The following PLD5 variants were observed in gnomAD, a reference collection of about 807,000 sequenced individuals.
PLD5 encodes phospholipase D family member 5.
In PLD5, 36 loss-of-function variants were observed where a neutral mutation model predicts 61.1. The observed-to-expected ratio is 0.59, with a 90% CI of 0.45 to 0.78. PLD5 has a LOEUF of 0.78. Among genes scored for constraint, PLD5 ranks in the 30% least tolerant of loss-of-function variants. PLD5 has a pLI of 0.00. For synonymous variants in PLD5, 243 were observed against 242.8 expected, an observed-to-expected ratio of 1.00 and a Z score of -0.01; for missense variants, 515 against 644.4, an observed-to-expected ratio of 0.80 and a Z score of 2.17.
rs76470947 is a variant in PLD5 at position 242,240,874 on chromosome 1, T to C, written c.608-20759A>G. Among the ~76,000 whole-genome samples, 1,466 of 152,238 alleles carry C rather than the reference T, an allele frequency of 9.6e-3. 32 individuals are homozygous for C. The highest frequency in any genetic ancestry group is 0.096 in the East Asian group (495 of 5,174). ...GACTCTTTCTTCCTGGAGCACCTCA[T>C]GGACTCTATAAAGTTCTAGCTCAGC... On this transcript the variant is annotated intron_variant, in intron 4 of 9. Transcript: ENST00000536534.
chr1:242,417,026 A>G lies in PLD5; in HGVS notation c.190-68784T>C, dbSNP rs148936004. On this transcript the variant is annotated intron_variant, in intron 1 of 9. Transcript: ENST00000536534. ...TAGTTAAAAAAAATCTATAAAATATATAATATTTCAGATGGCTGTAAGTGT... is the reference window on the plus strand; with the variant it reads ...TAGTTAAAAAAAATCTATAAAATATGTAATATTTCAGATGGCTGTAAGTGT... Among the ~76,000 whole-genome samples the G allele has an allele frequency of 2.2e-4, 33 of 152,348 alleles. 1 individual carries two copies. Among genetic ancestry groups the G allele is most frequent in the African/African-American group, 7.5e-4 (31 of 41,574 alleles).
chr1:242,510,955 A>G lies in PLD5; in HGVS notation c.189+13133T>C, dbSNP rs1304327665. Among the ~76,000 whole-genome samples the G allele has an allele frequency of 3.9e-5, 6 of 152,244 alleles. No homozygotes were observed. The East Asian group carries it at 1.2e-3, about 29-fold the overall frequency. ...GTATTTCTGTTATTGGAGCCTTTTA[A>G]GAGTGGACCTTGTGGGGGCTGAAAA... On this transcript the variant is annotated intron_variant, in intron 1 of 9. Coordinates refer to ENST00000536534, the MANE Select transcript of PLD5 (RefSeq NM_001372062.1).
rs1371320259 is a variant in PLD5, at chr1:242,107,778, C to T, written c.1132G>A (p.Val378Ile). The T allele has an allele frequency of 1.2e-6, 2 of 1,612,532 alleles. No homozygotes were observed. The highest frequency in any genetic ancestry group is 1.3e-5 in the African/African-American group (1 of 74,936). The change falls in exon 8 of 10, where the codon GTT becomes ATT. Residue 378 changes from valine (V) to isoleucine (I), a missense_variant. By Grantham distance (29) the Val-to-Ile change is conservative. This residue lies in a region of PLD5 where 450 missense variants were observed against 598.1 expected (regional missense o/e 0.75). Coordinates refer to ENST00000536534, the MANE Select transcript of PLD5 (RefSeq NM_001372062.1). The part of the protein sequence containing the change: ...REALVLRSVR[V>I]RLLLSFWKET... ...TTCCAGAAGCTTAAAAGGAGTCGAACTCTAACGCTTCGTAAAACTAATGCT... is the reference window on the plus strand; with the variant it reads ...TTCCAGAAGCTTAAAAGGAGTCGAATTCTAACGCTTCGTAAAACTAATGCT...
At chr1:242,210,265 C>T (rs1669721535) in intron 5 of PLD5, 1 of 152,246 alleles carries the variant, frequency 6.6e-6, no homozygotes, top group African/African-American at 2.4e-5. Context: ...GAAAGCAAAA[C>T]AGCCTTCTTG....
At chr1:242,107,423 GA>G (rs67729697) in intron 8 of PLD5, among the ~76,000 whole-genome samples, 67,804 of 151,900 alleles carry the variant, frequency 0.45, 16,145 homozygotes, top group East Asian at 0.75. Context: ...AGAAAAAAAA[GA>G]AAAAAGAAAA....
At chr1:242,131,885 A>G (rs1301224025) in intron 5 of PLD5, among the ~76,000 whole-genome samples, 42 of 131,210 alleles carry the variant, frequency 3.2e-4, no homozygotes, top group African/African-American at 1.2e-3. Context: ...CCCAGGCTGG[A>G]GTGCAGTAGC....
chr1:242,170,424 A>G (rs1423573146), intron 5 of PLD5, among the ~76,000 whole-genome samples: 1 of 152,234 alleles, frequency 6.6e-6, no homozygotes, highest in East Asian at 1.9e-4. Flanking sequence ...CAAAAACCAA[A>G]GGTAGATAAA....
chr1:242,196,979 G>C (rs906814650), intron 5 of PLD5, among the ~76,000 whole-genome samples: 1 of 152,070 alleles, frequency 6.6e-6, no homozygotes, highest in Non-Finnish European at 1.5e-5. Context: ...TCCCAGGCTG[G>C]ACTCGAACTC....
rs1659486448 is a variant in PLD5 at position 242,086,538 on chromosome 1, G to GC, written c.*3315dup. On this transcript the variant is annotated 3_prime_UTR_variant, in exon 10 of 10. Transcript: ENST00000536534. ...AGTGGCCAGTGACAATGCAGTGGAGGCCCACAGTATTGATCTTTGATGGTG... is the reference window on the plus strand; with the variant it reads ...AGTGGCCAGTGACAATGCAGTGGAGGCCCCACAGTATTGATCTTTGATGGTG... 5 of 152,282 alleles carry GC rather than the reference G, an allele frequency of 3.3e-5. No homozygotes were observed. The highest frequency in any genetic ancestry group is 3.3e-4 in the Admixed American group (5 of 15,284). The allele number at this position is 152,282 out of a possible 1,614,324, so 9.4% of individuals were successfully genotyped here.
chr1:242,107,842 G>A lies in PLD5; in HGVS notation c.1071-3C>T. 6.3e-7 allele frequency: 1 copy of A among 1,580,000 alleles called. No individual in the cohort carries two copies. On this transcript the variant is annotated splice_polypyrimidine_tract_variant and splice_region_variant and intron_variant, in intron 7 of 9. Transcript: ENST00000536534. ...CATCCAAGTCTGGCCAGTAAGTCCT[G>A]CAGAAATCATATCCAAATAGAAAAA...
chr1:242,143,260 C>T (rs1041630734), intron 5 of PLD5, among the ~76,000 whole-genome samples: 4 of 151,862 alleles, frequency 2.6e-5, no homozygotes, highest in Non-Finnish European at 5.9e-5. Context: ...ACCATACTGG[C>T]CAGGCTGGTC....
intron 2 of PLD5, among the ~76,000 whole-genome samples, chr1:242,347,792 C>CT (rs1660223748): frequency 1.3e-5 from 2 of 152,282 alleles, no homozygotes; most frequent in Admixed American, 6.5e-5. Flanking sequence ...TGGGGCACTC[C>CT]TTTTTACAGG....
At chr1:242,443,701 T>G (rs1369390913) in intron 1 of PLD5, among the ~76,000 whole-genome samples, 5 of 152,184 alleles carry the variant, frequency 3.3e-5, no homozygotes, top group African/African-American at 1.2e-4. Flanking sequence ...TTGCTATTAT[T>G]CTTGAGTCCA....
At chr1:242,230,920 G>C (rs2149036062) in intron 4 of PLD5, among the ~76,000 whole-genome samples, 2 of 152,174 alleles carry the variant, frequency 1.3e-5, no homozygotes, top group East Asian at 3.9e-4. Flanking sequence ...TCTGCTTCTT[G>C]GGAAATACTG....
At chr1:242,416,578 C>A (rs1558547767) in intron 1 of PLD5, among the ~76,000 whole-genome samples, 2 of 152,030 alleles carry the variant, frequency 1.3e-5, no homozygotes, top group South Asian at 2.1e-4. Flanking sequence ...TAAAGGATGG[C>A]AAAATAAATA....
intron 4 of PLD5, among the ~76,000 whole-genome samples, chr1:242,223,464 G>A (rs375035392): frequency 2.6e-5 from 4 of 152,262 alleles, no homozygotes; most frequent in African/African-American, 9.6e-5. Flanking sequence ...AGTGAAGGCC[G>A]GAGAGCAGGA....
intron 1 of PLD5, among the ~76,000 whole-genome samples, chr1:242,414,794 C>A (rs572953963): frequency 2.6e-5 from 4 of 151,902 alleles, no homozygotes; most frequent in Non-Finnish European, 4.4e-5. Context: ...AGAAATAAGA[C>A]TAAAAAGCTA....
At chr1:242,469,175 C>T (rs59581482) in intron 1 of PLD5, among the ~76,000 whole-genome samples, 1 of 152,220 alleles carries the variant, frequency 6.6e-6, no homozygotes, top group South Asian at 2.1e-4. Context: ...CTTGAAAGTG[C>T]ATTTCTACAA....
At chr1:242,496,821 G>A (rs935070021) in intron 1 of PLD5, among the ~76,000 whole-genome samples, 2 of 152,236 alleles carry the variant, frequency 1.3e-5, no homozygotes, top group African/African-American at 2.4e-5. Flanking sequence ...CCAGAAGCAG[G>A]ATTATATGTG....
Sources: allele counts gnomAD v4.1 joint callset (sites outside exome capture counted in the v4.1 genomes callset), GRCh38; gene constraint gnomAD v4.1.1; regional missense constraint gnomAD v4.1.1; transcripts MANE v1.5; gene names NCBI Gene and HGNC (gene_info 2026-07-23, HGNC 2026-07-21).